NPM2: variants seen among roughly 807,000 people sequenced by gnomAD.
NPM2 encodes the protein nucleophosmin/nucleoplasmin 2, also known as nucleoplasmin-2.
NPM2 carries 25 observed loss-of-function variants against 32.0 expected under a neutral mutation model. The ratio of observed to expected loss-of-function variants is 0.78; its 90% CI spans 0.57 to 1.09. NPM2 has a LOEUF of 1.09. NPM2 is among the 50% of genes least tolerant of loss of function. The pLI is 0.00. For synonymous variants in NPM2, 111 were observed against 94.2 expected (o/e 1.18, Z -1.04); for missense variants, 282 against 259.9 (o/e 1.08, Z -0.58).
intron 8 of NPM2, 200 bp from the exon 9 acceptor site, chr8:22,036,293 A>T: frequency 1.8e-6 from 1 of 547,794 alleles, no homozygotes; most frequent in Middle Eastern, 4.7e-4. Flanking sequence ...CTAAATGAAG[A>T]TGGAAGCCTA....
intron 8 of NPM2, among the ~76,000 whole-genome samples, chr8:22,036,192 T>A (rs1800614639): frequency 6.6e-6 from 1 of 152,060 alleles, no homozygotes; most frequent in African/African-American, 2.4e-5. Flanking sequence ...GAGGCTGCAG[T>A]GAGCTGTGAT....
Position 22,025,218 on chromosome 8 carries a change from G to A in NPM2, c.-31G>A, listed in dbSNP as rs1585504631. 1 of 1,604,694 alleles carries A rather than the reference G, an allele frequency of 6.2e-7. No homozygotes were observed. The highest frequency in any genetic ancestry group is 8.5e-7 in the Non-Finnish European group (1 of 1,177,350). On this transcript the variant is annotated splice_region_variant and 5_prime_UTR_variant, in exon 3 of 10. Coordinates refer to ENST00000518119, the MANE Select transcript of NPM2 (RefSeq NM_001286680.2). The stretch of plus-strand genomic sequence containing the variant: ...TCACGCGGGCGCCCTCCTTGCAGCT[G>A]CCCGGCCAGCCCGCTTCTCTGCCCG...
chr8:22,034,653 GTC>G, intron 8 of NPM2, 109 bp downstream of exon 8: 1 of 903,352 alleles, frequency 1.1e-6, no homozygotes, highest in Non-Finnish European at 1.7e-6. Context: ...CACACGGTGT[GTC>G]TACCTGCACT....
chr8:22,033,251 T>A (rs1289614837), intron 6 of NPM2, 28 bp downstream of exon 6: 5 of 1,560,748 alleles, frequency 3.2e-6, no homozygotes, highest in Non-Finnish European at 4.4e-6. Flanking sequence ...ATCAGGAAGG[T>A]CCGTGAGTAC....
chr8:22,036,091 A>G (rs539738506), intron 8 of NPM2, among the ~76,000 whole-genome samples: 25 of 152,008 alleles, frequency 1.6e-4, no homozygotes, highest in Non-Finnish European at 2.8e-4. Context: ...ATAATGAAAA[A>G]GACATTTGTG....
At position 22,034,558 on chromosome 8, in the gene NPM2, C is replaced by T. The variant is rs957310380; in HGVS notation, c.566+14C>T. On this transcript the variant is annotated intron_variant, in intron 8 of 9. Coordinates refer to ENST00000518119, the MANE Select transcript of NPM2 (RefSeq NM_001286680.2). ...AGAGGAAATAAGGTAACTCTTTCTA[C>T]CTATTAAATTAGCCAAAGTCTCCAG... is the stretch of plus-strand genomic sequence containing the variant. 2 of 1,602,020 alleles carry T rather than the reference C, an allele frequency of 1.2e-6. No individual in the cohort carries two copies. The highest frequency in any genetic ancestry group is 1.7e-6 in the Non-Finnish European group (2 of 1,170,780).
At position 22,033,320 on chromosome 8, in the gene NPM2, T is replaced by C. The variant is rs1800504659; in HGVS notation, c.364+97T>C. 3 of 997,926 alleles carry C rather than the reference T, an allele frequency of 3.0e-6. No homozygotes were observed. In the East Asian group the frequency reaches 7.4e-5, roughly 25 times the overall value. 61.8% of individuals were successfully genotyped at this position (997,926 alleles called of 1,614,324 possible). On this transcript the variant is annotated intron_variant, in intron 6 of 9. Coordinates refer to ENST00000518119, the MANE Select transcript of NPM2 (RefSeq NM_001286680.2). Reference sequence around the variant, plus strand: ...CTCAAACACTGGAGGGATTCTTGAATGTTGGAAGAAAATCCCCAAAGGCAA... The same window carrying C: ...CTCAAACACTGGAGGGATTCTTGAACGTTGGAAGAAAATCCCCAAAGGCAA...
At position 22,034,261 on chromosome 8, in the gene NPM2, G is replaced by A. The variant is rs1242969633; in HGVS notation, c.517G>A (p.Ala173Thr). The change falls in exon 7 of 10, where the codon GCG becomes ACG. Residue 173 changes from alanine (A) to threonine (T), a missense_variant. Coordinates refer to ENST00000518119, the MANE Select transcript of NPM2 (RefSeq NM_001286680.2). ...CAAAAGGCTGGTGCCCCAGAAGCAG[G>A]CGAGCGTGGCTAAGGTGGGGGAAGG... ...QVKRLVPQKQASVAKKKKLEK... is the reference protein window; with the variant it reads ...QVKRLVPQKQTSVAKKKKLEK... 2 of 1,595,010 alleles carry A rather than the reference G, an allele frequency of 1.3e-6. No individual in the cohort carries two copies. Among genetic ancestry groups the A allele is most frequent in the Non-Finnish European group, 1.7e-6 (2 of 1,170,852 alleles).
In NPM2 at chr8:22,034,542, A is replaced by G. The variant is rs117230258; in HGVS notation, c.564A>G (p.Ile188Met). The G allele has an allele frequency of 1.5e-3, 2,450 of 1,609,428 alleles. 8 individuals are homozygous for G. The highest frequency in any genetic ancestry group is 4.3e-3 in the South Asian group (395 of 90,886). Residue 188 changes from isoleucine (I) to methionine (M), a missense_variant and splice_region_variant, in exon 8 of 10, where the codon ATA becomes ATG. Transcript: ENST00000518119. ...KKKLEKEEEE[I>M]RASVRDKSPV... is the part of the protein sequence containing the mutation. Reference sequence around the variant, plus strand: ...AGCTGGAAAAAGAAGAAGAGGAAATAAGGTAACTCTTTCTACCTATTAAAT... The same window carrying G: ...AGCTGGAAAAAGAAGAAGAGGAAATGAGGTAACTCTTTCTACCTATTAAAT...
chr8:22,026,086 C>G (rs1190223511), intron 5 of NPM2, among the ~76,000 whole-genome samples: 4 of 152,200 alleles, frequency 2.6e-5, no homozygotes, highest in African/African-American at 9.7e-5. Context: ...GCCAGCATTA[C>G]CCCTGAGCCC....
chr8:22,025,524 A>G lies in NPM2; in HGVS notation c.144+3A>G, dbSNP rs770350252. 1 of 1,613,870 alleles carries G rather than the reference A, an allele frequency of 6.2e-7. No individual in the cohort carries two copies. The highest frequency in any genetic ancestry group is 1.3e-5 in the African/African-American group (1 of 74,908). On this transcript the variant is annotated splice_donor_region_variant and intron_variant, in intron 4 of 9. Transcript: ENST00000518119. ...GCTGCAGGCTGTTGCTTCATACGGT[A>G]GGTGTTCCCAAAAGAGGGGAGGAAG...
At chr8:22,035,592 A>G (rs1045426136) in intron 8 of NPM2, among the ~76,000 whole-genome samples, 4 of 152,230 alleles carry the variant, frequency 2.6e-5, no homozygotes, top group Non-Finnish European at 5.9e-5. Context: ...GATAGTTCAT[A>G]CAGCAGGACA....
Position 22,030,804 on chromosome 8 carries a change from C to A in NPM2, c.271-2326C>A, listed in dbSNP as rs529569405. Among the ~76,000 whole-genome samples the A allele has an allele frequency of 6.8e-4, 104 of 152,196 alleles. 1 individual carries two copies. The highest frequency in any genetic ancestry group is 1.6e-3 in the Admixed American group (24 of 15,268). On this transcript the variant is annotated intron_variant, in intron 5 of 9. Coordinates refer to ENST00000518119, the MANE Select transcript of NPM2 (RefSeq NM_001286680.2). ...AAGCGATCTTCCGGCCTCAGCCCCC[C>A]CGAGTAGCCTGGGCTACAGGCGTGC... is the stretch of plus-strand genomic sequence containing the variant.
chr8:22,035,088 G>A (rs1800575751), intron 8 of NPM2, among the ~76,000 whole-genome samples: 1 of 152,178 alleles, frequency 6.6e-6, no homozygotes, highest in Admixed American at 6.5e-5. Flanking sequence ...GGATGACAGA[G>A]CGAGACTCAG....
intron 5 of NPM2, among the ~76,000 whole-genome samples, chr8:22,030,990 G>GT (rs1269203448): frequency 6.6e-6 from 1 of 152,080 alleles, no homozygotes; most frequent in African/African-American, 2.4e-5. Flanking sequence ...AGTTTATTTT[G>GT]TTTTTTTCCA....
intron 4 of NPM2, 61 bp from the exon 5 acceptor site, chr8:22,025,586 T>C: frequency 1.2e-5 from 19 of 1,613,822 alleles, no homozygotes; most frequent in Non-Finnish European, 1.6e-5. Context: ...AACGGAGGGC[T>C]ATGGATTTCT....
Position 22,034,113 on chromosome 8 carries a change from A to G in NPM2, c.369A>G (p.Ala123=), listed in dbSNP as rs147770231. 2 of 1,593,254 alleles carry G rather than the reference A, an allele frequency of 1.3e-6. No homozygotes were observed. The highest frequency in any genetic ancestry group is 2.2e-5 in the East Asian group (1 of 44,824). ...TCCTTTCCCATGCTATTACAGAAGCATCAGACCTAACCTGGGAGGAGGAGG... is the reference window on the plus strand; with the variant it reads ...TCCTTTCCCATGCTATTACAGAAGCGTCAGACCTAACCTGGGAGGAGGAGG... The part of the protein sequence containing the change: ...VFLSGQERYE[A]SDLTWEEEEE... Residue 123 remains alanine, a synonymous_variant, in exon 7 of 10, where the codon GCA becomes GCG. Transcript: ENST00000518119.
chr8:22,034,711 C>T (rs1367190960), intron 8 of NPM2, among the ~76,000 whole-genome samples, 167 bp downstream of exon 8: 2 of 152,220 alleles, frequency 1.3e-5, no homozygotes, highest in African/African-American at 2.4e-5. Flanking sequence ...CATCACCTTT[C>T]TGGAAGAGCA....
At chr8:22,033,962 AG>A in intron 6 of NPM2, 146 bp from the exon 7 acceptor site, 2 of 1,242,214 alleles carry the variant, frequency 1.6e-6, no homozygotes, top group Non-Finnish European at 2.2e-6. Context: ...CGCCCTGTAC[AG>A]GTGGCAGGCA....
Sources: allele counts gnomAD v4.1 joint callset (sites outside exome capture counted in the v4.1 genomes callset), GRCh38; gene constraint gnomAD v4.1.1; transcripts MANE v1.5; gene names NCBI Gene and HGNC (gene_info 2026-07-23, HGNC 2026-07-21).